Variants in GPC5 observed in about 807,000 individuals in gnomAD.
GPC5 encodes the protein glypican 5.
In GPC5, 47 loss-of-function variants were observed where a neutral mutation model predicts 53.9. The observed-to-expected ratio is 0.87, with a 90% confidence interval of 0.69 to 1.11. GPC5 has a LOEUF of 1.11. GPC5 is among the 50% of genes most tolerant of loss of function. The probability of loss-of-function intolerance (pLI) is 0.00; values close to 1 mark genes in which losing one functional copy is unlikely to be tolerated. For synonymous variants in GPC5, 286 were observed against 263.3 expected, an observed-to-expected ratio of 1.09 and a Z score of -0.84; for missense variants, 748 against 713.1, an observed-to-expected ratio of 1.05 and a Z score of -0.56.
intron 5 of GPC5, among the ~76,000 whole-genome samples, chr13:91,789,676 A>T (rs2037933084): frequency 6.6e-6 from 1 of 152,230 alleles, no homozygotes; most frequent in Non-Finnish European, 1.5e-5. Context: ...TAAATTTGTT[A>T]TAAAAATTAT....
chr13:92,315,510 A>G (rs1424644422), intron 7 of GPC5, among the ~76,000 whole-genome samples: 1 of 152,168 alleles, frequency 6.6e-6, no homozygotes, highest in East Asian at 1.9e-4. Context: ...TGACCTCCTG[A>G]ACTCTATGCT....
intron 7 of GPC5, among the ~76,000 whole-genome samples, chr13:92,334,057 CT>C (rs1303626501): frequency 6.6e-6 from 1 of 152,160 alleles, no homozygotes; most frequent in Admixed American, 6.5e-5. Context: ...ACAAAACCCC[CT>C]GGAACTAATT....
chr13:92,429,391 A>G (rs1228621247), intron 7 of GPC5, among the ~76,000 whole-genome samples: 1 of 151,834 alleles, frequency 6.6e-6, no homozygotes, highest in East Asian at 1.9e-4. Flanking sequence ...GGAAATAATA[A>G]TAATAATACA....
chr13:92,695,244 T>C (rs976253461), intron 7 of GPC5, among the ~76,000 whole-genome samples: 5 of 152,252 alleles, frequency 3.3e-5, no homozygotes, highest in Admixed American at 2.0e-4. Context: ...TGTTTGTTCA[T>C]ATTTTTTGCT....
At chr13:91,652,570 G>A (rs1045481723) in intron 2 of GPC5, among the ~76,000 whole-genome samples, 1 of 152,146 alleles carries the variant, frequency 6.6e-6, no homozygotes, top group South Asian at 2.1e-4. Context: ...ACGCAGGTAG[G>A]ATATACAGCA....
At chr13:92,225,904 A>C (rs764736319) in intron 7 of GPC5, among the ~76,000 whole-genome samples, 31 of 152,222 alleles carry the variant, frequency 2.0e-4, no homozygotes, top group Non-Finnish European at 1.6e-4. Flanking sequence ...TAAAGAAAAC[A>C]TGGAGAACCA....
At chr13:91,728,998 G>A (rs1398678724) in intron 4 of GPC5, among the ~76,000 whole-genome samples, 2 of 152,082 alleles carry the variant, frequency 1.3e-5, no homozygotes, top group Non-Finnish European at 2.9e-5. Flanking sequence ...TTGTAAATGT[G>A]GCTAGTGGCT....
chr13:91,541,829 TA>T (rs1369403208), intron 2 of GPC5, among the ~76,000 whole-genome samples: 16 of 85,038 alleles, frequency 1.9e-4, no homozygotes, highest in African/African-American at 4.6e-4. Context: ...TAATTAATAA[TA>T]AAAAAGCAGT....
chr13:92,613,065 A>T (rs1228978636), intron 7 of GPC5, among the ~76,000 whole-genome samples: 1 of 151,008 alleles, frequency 6.6e-6, no homozygotes, highest in Non-Finnish European at 1.5e-5. Flanking sequence ...AGGACATCTA[A>T]CTTTACCTAA....
intron 7 of GPC5, among the ~76,000 whole-genome samples, chr13:92,537,610 T>G (rs922288047): frequency 5.3e-5 from 8 of 152,098 alleles, no homozygotes; most frequent in African/African-American, 1.7e-4. Context: ...ACAACCAGTC[T>G]CCTAGGTGTA....
At chr13:92,308,787 T>C (rs2043127544) in intron 7 of GPC5, among the ~76,000 whole-genome samples, 1 of 152,100 alleles carries the variant, frequency 6.6e-6, no homozygotes, top group Admixed American at 6.5e-5. Flanking sequence ...TTCTTAAGTT[T>C]CTCTTTAATA....
chr13:92,507,349 C>T (rs1177209405), intron 7 of GPC5, among the ~76,000 whole-genome samples: 1 of 152,160 alleles, frequency 6.6e-6, no homozygotes, highest in Middle Eastern at 3.2e-3. Flanking sequence ...TCAACAAACG[C>T]TTGATGAGTA....
intron 5 of GPC5, among the ~76,000 whole-genome samples, chr13:91,824,862 C>CT (rs2038551731): frequency 2.0e-5 from 3 of 152,046 alleles, no homozygotes; most frequent in Admixed American, 2.0e-4. Flanking sequence ...CTATTGAACA[C>CT]TTTCTATGTA....
intron 7 of GPC5, among the ~76,000 whole-genome samples, chr13:92,219,807 C>T (rs1283574550): frequency 6.6e-6 from 1 of 152,168 alleles, no homozygotes; most frequent in Non-Finnish European, 1.5e-5. Flanking sequence ...TGGACCACTA[C>T]TTTATTTACA....
Position 91,538,482 on chromosome 13 carries a change from A to G in GPC5, c.325+89560A>G, listed in dbSNP as rs189224777. Among the ~76,000 whole-genome samples, 79 of 152,302 alleles carry G rather than the reference A, an allele frequency of 5.2e-4. 1 individual carries two copies. The highest frequency in any genetic ancestry group is 4.7e-3 in the Admixed American group (72 of 15,290). ...TGGGGCAAACTACCTGAGCCTCTCC[A>G]GGTACATGTAATATTTTTTAGATGA... On this transcript the variant is annotated intron_variant, in intron 2 of 7. Transcript: ENST00000377067.
intron 5 of GPC5, among the ~76,000 whole-genome samples, chr13:91,897,586 C>T (rs1472791526): frequency 3.9e-5 from 6 of 152,062 alleles, no homozygotes; most frequent in Non-Finnish European, 7.4e-5. Context: ...ATATCAAGGC[C>T]ATCCAATTCA....
At chr13:92,269,475 G>C (rs537685328) in intron 7 of GPC5, among the ~76,000 whole-genome samples, 14 of 151,930 alleles carry the variant, frequency 9.2e-5, no homozygotes, top group Non-Finnish European at 1.8e-4. Context: ...GCACGATCTC[G>C]GCTCACTGCA....
intron 7 of GPC5, chr13:92,446,455 G>A (rs1399743042): frequency 6.6e-6 from 1 of 150,572 alleles, no homozygotes; most frequent in Non-Finnish European, 1.5e-5. Flanking sequence ...GCAAAGGACA[G>A]GATACCATTC....
At chr13:92,702,730 T>G (rs1201276118) in intron 7 of GPC5, among the ~76,000 whole-genome samples, 2 of 152,114 alleles carry the variant, frequency 1.3e-5, no homozygotes, top group Non-Finnish European at 2.9e-5. Flanking sequence ...GTTATTTTTG[T>G]GAATGCATGT....
Sources: gnomAD v4.1 joint callset for allele counts (sites outside exome capture counted in the v4.1 genomes callset) on GRCh38, gnomAD v4.1.1 for gene constraint, MANE v1.5 for transcripts, NCBI Gene and HGNC (gene_info 2026-07-23, HGNC 2026-07-21) for gene names.